Variants in PAK5 observed in about 807,000 individuals in gnomAD.
The protein encoded by PAK5 is serine/threonine-protein kinase PAK 5.
Under a neutral mutation model 65.9 loss-of-function variants are expected in PAK5, and 16 were observed. The ratio of observed to expected loss-of-function variants is 0.24; its 90% confidence interval spans 0.16 to 0.37. PAK5 has a LOEUF of 0.37. Among genes scored for constraint, PAK5 ranks in the 10% least tolerant of loss-of-function variants. The probability of loss-of-function intolerance (pLI) is 1.00; values close to 1 mark genes in which losing one functional copy is unlikely to be tolerated. For missense variants in PAK5, 785 were observed against 903.9 expected, an observed-to-expected ratio of 0.87 and a Z score of 1.69; for synonymous variants, 371 against 354.9, an observed-to-expected ratio of 1.05 and a Z score of -0.51.
At chr20:9,635,085 T>C (rs1469630770) in intron 3 of PAK5, among the ~76,000 whole-genome samples, 1 of 152,218 alleles carries the variant, frequency 6.6e-6, no homozygotes. Context: ...CATTTTATAA[T>C]TGCTTTTACT....
At chr20:9,627,431 T>A (rs2046860032) in intron 3 of PAK5, among the ~76,000 whole-genome samples, 1 of 152,166 alleles carries the variant, frequency 6.6e-6, no homozygotes, top group Admixed American at 6.5e-5. Context: ...GCTGCTAATG[T>A]CAGATGCTGC....
chr20:9,751,419 C>T (rs996247418), intron 1 of PAK5, among the ~76,000 whole-genome samples: 2 of 152,104 alleles, frequency 1.3e-5, no homozygotes, highest in Non-Finnish European at 1.5e-5. Flanking sequence ...CTTCTCTCTC[C>T]TCATCTCTTC....
chr20:9,576,172 G>A (rs548859274), intron 4 of PAK5, among the ~76,000 whole-genome samples: 17 of 152,164 alleles, frequency 1.1e-4, no homozygotes, highest in South Asian at 4.2e-4. Flanking sequence ...AATGAGACAC[G>A]GGCTGTCTTT....
chr20:9,829,758 A>C (rs2123786805), intron 1 of PAK5, among the ~76,000 whole-genome samples: 1 of 152,328 alleles, frequency 6.6e-6, no homozygotes. Context: ...AAGCTAAAAA[A>C]ATGTTAATTT....
chr20:9,665,077 A>ATTTTTTTTTTTTTTTTTTTTT (rs1174954528), intron 2 of PAK5, among the ~76,000 whole-genome samples: 1 of 49,858 alleles, frequency 2.0e-5, no homozygotes, highest in African/African-American at 9.3e-5. Flanking sequence ...GCCCAGCTAA[A>ATTTTTTTTTTTTTTTTTTTTT]TTTTTCTGTT....
At chr20:9,696,078 C>A (rs1014378202) in intron 2 of PAK5, among the ~76,000 whole-genome samples, 2 of 152,088 alleles carry the variant, frequency 1.3e-5, no homozygotes, top group African/African-American at 4.8e-5. Context: ...AGTTCAATAG[C>A]TCCATGTGGC....
intron 2 of PAK5, among the ~76,000 whole-genome samples, chr20:9,699,404 T>A (rs994972535): frequency 1.3e-5 from 2 of 151,996 alleles, no homozygotes; most frequent in Admixed American, 1.3e-4. Flanking sequence ...CCCCCAGGTA[T>A]GAGAAACAAT....
chr20:9,541,052 A>G (rs1000662983), intron 9 of PAK5, among the ~76,000 whole-genome samples: 1 of 152,016 alleles, frequency 6.6e-6, no homozygotes, highest in South Asian at 2.1e-4. Flanking sequence ...CATTATTTAG[A>G]CTTAGTCCAA....
intron 1 of PAK5, among the ~76,000 whole-genome samples, chr20:9,718,317 T>C (rs1284490230): frequency 6.6e-6 from 1 of 152,110 alleles, no homozygotes; most frequent in African/African-American, 2.4e-5. Context: ...CAGCCCCTTA[T>C]GCAAATACAT....
chr20:9,830,519 A>G (rs576358409), intron 1 of PAK5, among the ~76,000 whole-genome samples: 3 of 152,334 alleles, frequency 2.0e-5, no homozygotes, highest in East Asian at 3.9e-4. Context: ...TGAATGTAAG[A>G]TCATTCAGAA....
At chr20:9,678,018 G>T (rs919368430) in intron 2 of PAK5, among the ~76,000 whole-genome samples, 22 of 152,106 alleles carry the variant, frequency 1.4e-4, no homozygotes, top group African/African-American at 4.8e-4. Flanking sequence ...TCATCAGATT[G>T]CCATCCCATG....
intron 2 of PAK5, among the ~76,000 whole-genome samples, chr20:9,677,320 C>A (rs879563025): frequency 6.6e-5 from 10 of 152,096 alleles, no homozygotes; most frequent in Non-Finnish European, 1.2e-4. Flanking sequence ...CTCGGCATAA[C>A]GCTCTGTCCT....
intron 1 of PAK5, among the ~76,000 whole-genome samples, chr20:9,768,947 C>CCCAT: frequency 6.6e-6 from 1 of 151,910 alleles, no homozygotes; most frequent in East Asian, 1.9e-4. Context: ...AAAATAAAAG[C>CCCAT]CCATAAGTTT....
chr20:9,780,623 T>C (rs1266217319), intron 1 of PAK5, among the ~76,000 whole-genome samples: 1 of 152,016 alleles, frequency 6.6e-6, no homozygotes, highest in Non-Finnish European at 1.5e-5. Flanking sequence ...GAAATATATA[T>C]ATAAATACAT....
intron 1 of PAK5, among the ~76,000 whole-genome samples, chr20:9,717,646 G>A (rs1052768114): frequency 1.3e-5 from 2 of 152,208 alleles, no homozygotes; most frequent in Non-Finnish European, 2.9e-5. Context: ...CAAGGACCAA[G>A]TCTCATTCTG....
chr20:9,806,110 A>G (rs1307509791), intron 1 of PAK5, among the ~76,000 whole-genome samples: 1 of 151,958 alleles, frequency 6.6e-6, no homozygotes, highest in African/African-American at 2.4e-5. Context: ...GACTACAGGC[A>G]TGCAACAACA....
At position 9,580,422 on chromosome 20, in the gene PAK5, C is replaced by G; in HGVS notation, c.713G>C (p.Arg238Thr). 6.2e-7 allele frequency: 1 copy of G among 1,614,066 alleles called. No individual in the cohort carries two copies. Among genetic ancestry groups the G allele is most frequent in the Non-Finnish European group, 8.5e-7 (1 of 1,180,008 alleles). Residue 238 changes from arginine to threonine, a missense_variant, in exon 4 of 10, where the codon AGA (arginine) becomes ACA (threonine). This residue lies in a region of PAK5 where 422 missense variants were observed against 413.3 expected (regional missense o/e 1.02). Coordinates refer to ENST00000353224, the MANE Select transcript of PAK5 (RefSeq NM_177990.4). Reference protein sequence around the residue: ...LDYSFQFTPSRTAGTSGCSKE... With the variant: ...LDYSFQFTPSTTAGTSGCSKE... ...GGAGCACCCGCTGGTCCCTGCAGTTCTAGAAGGTGTGAATTGGAATGAATA... is the reference window on the plus strand; with the variant it reads ...GGAGCACCCGCTGGTCCCTGCAGTTGTAGAAGGTGTGAATTGGAATGAATA...
intron 2 of PAK5, among the ~76,000 whole-genome samples, chr20:9,660,527 G>T (rs754530190): frequency 6.6e-6 from 1 of 151,772 alleles, no homozygotes; most frequent in Non-Finnish European, 1.5e-5. Flanking sequence ...GGAAAATTAC[G>T]TAGTATATTA....
intron 3 of PAK5, among the ~76,000 whole-genome samples, chr20:9,611,772 G>A (rs2046565578): frequency 6.6e-6 from 1 of 152,138 alleles, no homozygotes; most frequent in South Asian, 2.1e-4. Context: ...GAGTGTGAGA[G>A]CCCAACTCTG....
Sources: gnomAD v4.1 joint callset for allele counts (sites outside exome capture counted in the v4.1 genomes callset) on GRCh38, gnomAD v4.1.1 for gene constraint, gnomAD v4.1.1 regional missense constraint, MANE v1.5 for transcripts, NCBI Gene and HGNC (gene_info 2026-07-23, HGNC 2026-07-21) for gene names.